TMEM50B: variants seen among roughly 807,000 people sequenced by gnomAD.
TMEM50B encodes transmembrane protein 50B.
In TMEM50B, 14 loss-of-function variants were observed where a neutral mutation model predicts 23.4. The ratio of observed to expected loss-of-function variants is 0.60; its 90% confidence interval spans 0.39 to 0.93. The LOEUF (loss-of-function observed/expected upper bound fraction) is 0.93, where lower values mean the gene tolerates loss of function less well. TMEM50B is among the 40% of genes least tolerant of loss of function. TMEM50B has a pLI of 0.00. For synonymous variants in TMEM50B, 64 were observed against 62.3 expected, an observed-to-expected ratio of 1.03 and a Z score of -0.13; for missense variants, 159 against 193.0, an observed-to-expected ratio of 0.82 and a Z score of 1.04.
intron 1 of TMEM50B, among the ~76,000 whole-genome samples, chr21:33,469,311 C>T (rs886679987): frequency 2.0e-5 from 3 of 152,032 alleles, no homozygotes; most frequent in Admixed American, 6.6e-5. Context: ...ATTAACTGGG[C>T]GTGGTGGCAC....
intron 1 of TMEM50B, among the ~76,000 whole-genome samples, chr21:33,472,549 A>C (rs1432554785): frequency 6.6e-6 from 1 of 151,866 alleles, no homozygotes; most frequent in Non-Finnish European, 1.5e-5. Flanking sequence ...CAGAAGAAGA[A>C]AAGACAGAAT....
intron 7 of TMEM50B, among the ~76,000 whole-genome samples, chr21:33,439,767 G>A (rs1160183761): frequency 2.0e-5 from 3 of 151,436 alleles, no homozygotes; most frequent in African/African-American, 7.3e-5. Context: ...CACTGTCAAG[G>A]CCAGGCGCAG....
rs181677618 is a variant in TMEM50B at position 33,454,049 on chromosome 21, G to C, written c.431+1678C>G. Among the ~76,000 whole-genome samples, 282 of 143,020 alleles carry C rather than the reference G, an allele frequency of 2.0e-3. 2 individuals are homozygous for C. Among genetic ancestry groups the C allele is most frequent in the African/African-American group, 7.0e-3 (265 of 38,114 alleles). 93.8% of individuals were successfully genotyped at this position (143,020 alleles called of 152,430 possible). ...GCCTGGGAGGCAGAGGTTGCATTGAGCTGAGATTGCACCACTGCACATCAG... is the reference window on the plus strand; with the variant it reads ...GCCTGGGAGGCAGAGGTTGCATTGACCTGAGATTGCACCACTGCACATCAG... On this transcript the variant is annotated intron_variant, in intron 6 of 6. Coordinates refer to ENST00000542230, the MANE Select transcript of TMEM50B (RefSeq NM_006134.7).
chr21:33,463,874 T>C (rs1275118245), intron 4 of TMEM50B, among the ~76,000 whole-genome samples: 1 of 152,076 alleles, frequency 6.6e-6, no homozygotes, highest in African/African-American at 2.4e-5. Flanking sequence ...GCCAAGATCA[T>C]GCCACTGCAC....
intron 8 of TMEM50B, among the ~76,000 whole-genome samples, chr21:33,438,941 G>A (rs959958727): frequency 2.0e-5 from 3 of 151,886 alleles, no homozygotes; most frequent in Non-Finnish European, 2.9e-5. Flanking sequence ...TGTTGGCCAG[G>A]CTGGTCTCGA....
chr21:33,477,762 G>A (rs1251054713), intron 1 of TMEM50B, among the ~76,000 whole-genome samples: 3 of 151,822 alleles, frequency 2.0e-5, no homozygotes, highest in Non-Finnish European at 4.4e-5. Flanking sequence ...AGTGAGCCAC[G>A]ATAGCGCCAT....
At chr21:33,475,219 G>A (rs2084357471) in intron 1 of TMEM50B, among the ~76,000 whole-genome samples, 1 of 152,026 alleles carries the variant, frequency 6.6e-6, no homozygotes, top group African/African-American at 2.4e-5. Context: ...GAGCCACTGC[G>A]GCTGGCCAAA....
intron 8 of TMEM50B, among the ~76,000 whole-genome samples, chr21:33,434,764 A>C (rs2083927464): frequency 6.6e-6 from 1 of 151,848 alleles, no homozygotes; most frequent in African/African-American, 2.4e-5. Context: ...CCCTACTAGA[A>C]CCTCCCTGGT....
intron 8 of TMEM50B, among the ~76,000 whole-genome samples, chr21:33,436,083 T>C (rs942523239): frequency 5.3e-5 from 8 of 150,946 alleles, no homozygotes; most frequent in South Asian, 4.2e-4. Context: ...TGTTGCCGGG[T>C]GCAGTGGCTC....
chr21:33,464,109 C>T (rs1314660237), intron 4 of TMEM50B, among the ~76,000 whole-genome samples: 1 of 152,090 alleles, frequency 6.6e-6, no homozygotes, highest in African/African-American at 2.4e-5. Flanking sequence ...TGTCCATGTT[C>T]AATCCTGGCT....
At chr21:33,467,250 A>G in intron 2 of TMEM50B, 128 bp from the exon 3 acceptor site, 1 of 768,886 alleles carries the variant, frequency 1.3e-6, no homozygotes, top group Non-Finnish European at 2.1e-6. Context: ...CTGTAATCCC[A>G]GCACTTTGGG....
chr21:33,477,500 G>T (rs1601139411), intron 1 of TMEM50B, among the ~76,000 whole-genome samples: 1 of 152,126 alleles, frequency 6.6e-6, no homozygotes, highest in East Asian at 1.9e-4. Flanking sequence ...CTTCTGTCAT[G>T]TTTAAATGTT....
At chr21:33,436,129 G>A (rs888464921) in intron 8 of TMEM50B, among the ~76,000 whole-genome samples, 8 of 151,396 alleles carry the variant, frequency 5.3e-5, no homozygotes, top group Middle Eastern at 6.8e-3. Context: ...AGGCCGAGGC[G>A]GGCGGATCAC....
At chr21:33,436,716 T>G (rs2083955895) in intron 8 of TMEM50B, 2 of 844,156 alleles carry the variant, frequency 2.4e-6, no homozygotes, top group Non-Finnish European at 3.6e-6. Flanking sequence ...TAAGACTCCA[T>G]CTCAAAAAAA....
At chr21:33,441,111 T>A (rs1319863784) in intron 7 of TMEM50B, among the ~76,000 whole-genome samples, 1 of 151,610 alleles carries the variant, frequency 6.6e-6, no homozygotes, top group East Asian at 1.9e-4. Flanking sequence ...GTGCCTGTAA[T>A]CACAGCTATT....
intron 4 of TMEM50B, among the ~76,000 whole-genome samples, chr21:33,462,046 T>C (rs1000025728): frequency 2.6e-5 from 4 of 152,216 alleles, no homozygotes; most frequent in African/African-American, 9.6e-5. Flanking sequence ...TTAAGGTTAA[T>C]GAACAATTAA....
At chr21:33,471,699 C>A (rs2084317364) in intron 1 of TMEM50B, among the ~76,000 whole-genome samples, 2 of 152,066 alleles carry the variant, frequency 1.3e-5, no homozygotes, top group Middle Eastern at 3.2e-3. Context: ...CATAGCAAGA[C>A]CCTGTCTCTA....
chr21:33,454,882 C>T (rs963214270), intron 6 of TMEM50B, among the ~76,000 whole-genome samples: 8 of 151,962 alleles, frequency 5.3e-5, no homozygotes, highest in Non-Finnish European at 1.0e-4. Context: ...TTTGGGAGGC[C>T]GAGGCAGGCA....
At chr21:33,436,872 G>A in intron 8 of TMEM50B, 1 of 1,614,090 alleles carries the variant, frequency 6.2e-7, no homozygotes. Flanking sequence ...CCTTGGACAA[G>A]GACAGCTCAC....
Sources: allele counts gnomAD v4.1 joint callset (sites outside exome capture counted in the v4.1 genomes callset), GRCh38; gene constraint gnomAD v4.1.1; transcripts MANE v1.5; gene names NCBI Gene and HGNC (gene_info 2026-07-23, HGNC 2026-07-21).